GATA4: variants seen among roughly 807,000 people sequenced by gnomAD.
The protein encoded by GATA4 is GATA binding protein 4.
GATA4 carries 7 observed loss-of-function variants against 37.9 expected under a neutral mutation model. The observed-to-expected ratio is 0.18, with a 90% CI of 0.11 to 0.35. The LOEUF is 0.35. GATA4 is among the 10% of genes least tolerant of loss of function. The probability of loss-of-function intolerance (pLI) is 1.00; values close to 1 mark genes in which losing one functional copy is unlikely to be tolerated. For missense variants in GATA4, 647 were observed against 653.0 expected, an observed-to-expected ratio of 0.99 and a Z score of 0.10; for synonymous variants, 372 against 292.6, an observed-to-expected ratio of 1.27 and a Z score of -2.77.
chr8:11,699,951 T>G (rs1000838945), upstream of GATA4, among the ~76,000 whole-genome samples: 1 of 152,214 alleles, frequency 6.6e-6, no homozygotes, highest in Non-Finnish European at 1.5e-5. Context: ...AGAAAGTCGA[T>G]ATTAAATAGA....
intron 2 of GATA4, among the ~76,000 whole-genome samples, chr8:11,747,772 A>C (rs959881245): frequency 6.6e-6 from 1 of 152,254 alleles, no homozygotes; most frequent in Non-Finnish European, 1.5e-5. Context: ...GAATGATACT[A>C]GTTAAATGAT....
rs752996773 is a variant in GATA4, at chr8:11,750,245, G to A, written c.912+9G>A. The stretch of plus-strand genomic sequence containing the variant: ...ACATGAAGCTCCACGGGGTACGTGG[G>A]TCCTGCGCCCATGCGGCATCCTTGC... On this transcript the variant is annotated intron_variant, in intron 4 of 6. Transcript: ENST00000532059. The A allele has an allele frequency of 1.2e-5, 20 of 1,611,952 alleles. No homozygotes were observed. Among genetic ancestry groups the A allele is most frequent in the Non-Finnish European group, 1.6e-5 (19 of 1,180,038 alleles).
chr8:11,682,855 G>A (rs1199491410), intron 1 of GATA4, among the ~76,000 whole-genome samples: 2 of 152,220 alleles, frequency 1.3e-5, no homozygotes, highest in Non-Finnish European at 2.9e-5. Flanking sequence ...TCACTTCTCA[G>A]AGGTTGACAC....
At chr8:11,692,635 T>G (rs1264003996) in exon 1 of GATA4, 9 of 984,536 alleles carry the variant, frequency 9.1e-6, no homozygotes, top group Non-Finnish European at 9.6e-6. Context: ...CCGCGGCCTC[T>G]GCGCCTCAGC....
intron 1 of GATA4, among the ~76,000 whole-genome samples, chr8:11,677,974 C>T (rs1161161408): frequency 6.6e-6 from 1 of 150,698 alleles, no homozygotes; most frequent in African/African-American, 2.4e-5. Context: ...GCAAATGAGC[C>T]TTAAATCTGA....
At chr8:11,683,306 A>G (rs1036693570) in intron 1 of GATA4, among the ~76,000 whole-genome samples, 5 of 152,206 alleles carry the variant, frequency 3.3e-5, no homozygotes, top group African/African-American at 1.2e-4. Context: ...AGGGGGATTA[A>G]TCAGAGAGTT....
rs1014088015 is a variant in GATA4, at chr8:11,747,571, A to AAATG, written c.617-1334_617-1331dup. Reference sequence around the variant, plus strand: ...CCATACAGGTATATTAAAACAGAAAAAATGAATGAATGAAGCTTTTTTTGC... The same window carrying AAATG: ...CCATACAGGTATATTAAAACAGAAAAAATGAATGAATGAATGAAGCTTTTTTTGC... On this transcript the variant is annotated intron_variant, in intron 2 of 6. Transcript: ENST00000532059. 3.9e-5 allele frequency among the ~76,000 whole-genome samples: 6 copies of AAATG among 152,348 alleles called. No homozygotes were observed. In the East Asian group the frequency reaches 1.2e-3, roughly 29 times the overall value.
chr8:11,724,005 A>T (rs1326090108), intron 2 of GATA4, among the ~76,000 whole-genome samples: 1 of 152,018 alleles, frequency 6.6e-6, no homozygotes, highest in African/African-American at 2.4e-5. Context: ...GGCAGCCCCC[A>T]TTGTGCTTTC....
chr8:11,758,678 C>G lies in GATA4; in HGVS notation c.*203C>G, dbSNP rs1281010890. ...CAGATGCCTTTACACGCTGATGGGA[C>G]TGGAGGGAGCCCACCCTTCAGCACG... On this transcript the variant is annotated 3_prime_UTR_variant, in exon 7 of 7. Transcript: ENST00000532059. The G allele has an allele frequency of 9.6e-6, 6 of 622,102 alleles. No homozygotes were observed. Among genetic ancestry groups the G allele is most frequent in the Non-Finnish European group, 1.7e-5 (6 of 346,708 alleles). 38.5% of individuals were successfully genotyped at this position (622,102 alleles called of 1,614,324 possible).
intron 2 of GATA4, 23 bp from the exon 3 acceptor site, chr8:11,748,893 C>A (rs769797222): frequency 6.2e-7 from 1 of 1,614,000 alleles, no homozygotes; most frequent in African/African-American, 1.3e-5. Context: ...TGTGTCTTTT[C>A]TTGTCTGTTC....
chr8:11,686,483 T>C (rs1180025251), intron 1 of GATA4, among the ~76,000 whole-genome samples: 2 of 152,200 alleles, frequency 1.3e-5, no homozygotes, highest in Non-Finnish European at 2.9e-5. Context: ...AATAGAATTT[T>C]TGCAAATCAC....
At chr8:11,730,263 C>G (rs1321875485) in intron 2 of GATA4, among the ~76,000 whole-genome samples, 1 of 152,120 alleles carries the variant, frequency 6.6e-6, no homozygotes, top group South Asian at 2.1e-4. Flanking sequence ...GTCTTCGCTG[C>G]AGGAGTGACA....
chr8:11,684,202 C>G (rs1374696553), intron 1 of GATA4, among the ~76,000 whole-genome samples: 2 of 152,220 alleles, frequency 1.3e-5, no homozygotes, highest in African/African-American at 4.8e-5. Flanking sequence ...CAACCTTCCT[C>G]TGATGTTATG....
At chr8:11,694,253 A>T (rs1420802248) in intron 1 of GATA4, among the ~76,000 whole-genome samples, 5 of 152,200 alleles carry the variant, frequency 3.3e-5, no homozygotes, top group African/African-American at 1.2e-4. Flanking sequence ...CTTATGAGGG[A>T]ATTCGAATAA....
upstream of GATA4, among the ~76,000 whole-genome samples, chr8:11,688,592 G>A (rs10110029): frequency 0.87 from 132,616 of 152,142 alleles, 59,281 homozygotes; most frequent in Non-Finnish European, 0.97. Context: ...GGGACGTTAT[G>A]TGATGCCCAG....
At chr8:11,727,206 A>C (rs1016827969) in intron 2 of GATA4, among the ~76,000 whole-genome samples, 1 of 152,142 alleles carries the variant, frequency 6.6e-6, no homozygotes, top group Non-Finnish European at 1.5e-5. Context: ...GTGACAAGAC[A>C]CTTTTCTTCG....
chr8:11,692,907 C>T (rs1799367519), intron 1 of GATA4: 6 of 983,692 alleles, frequency 6.1e-6, no homozygotes, highest in Non-Finnish European at 7.2e-6. Flanking sequence ...CGCCTCCAGC[C>T]GCCTGGGGTT....
rs769268482 is a variant in GATA4 at position 11,758,451 on chromosome 8, T to C, written c.1308T>C (p.Ser436=). The change falls in exon 7 of 7, where the codon AGT becomes AGC. Residue 436 remains serine, a synonymous_variant. Transcript: ENST00000532059. ...GGAACAGCCTGGTCTTGGCCGACAGTCACGGGGACATAATCACTGCGTAAT... is the reference window on the plus strand; with the variant it reads ...GGAACAGCCTGGTCTTGGCCGACAGCCACGGGGACATAATCACTGCGTAAT... The part of the protein sequence containing the change: ...DSWNSLVLAD[S]HGDIITA The C allele has an allele frequency of 3.1e-6, 5 of 1,614,072 alleles. No individual in the cohort carries two copies. In the South Asian group the frequency reaches 3.3e-5, roughly 11 times the overall value.
At chr8:11,710,263 TG>T (rs1800114736) in intron 2 of GATA4, among the ~76,000 whole-genome samples, 1 of 151,914 alleles carries the variant, frequency 6.6e-6, no homozygotes, top group Non-Finnish European at 1.5e-5. Flanking sequence ...TCACCCCTCT[TG>T]GGGGAGCCAG....
Sources: allele counts gnomAD v4.1 joint callset (sites outside exome capture counted in the v4.1 genomes callset), GRCh38; gene constraint gnomAD v4.1.1; transcripts MANE v1.5; gene names NCBI Gene and HGNC (gene_info 2026-07-23, HGNC 2026-07-21).